ACTA2: variants seen among roughly 807,000 people sequenced by gnomAD.
The protein encoded by ACTA2 is actin alpha 2, smooth muscle.
ACTA2 carries 12 observed loss-of-function variants against 39.5 expected under a neutral mutation model. The ratio of observed to expected loss-of-function variants is 0.30; its 90% confidence interval spans 0.19 to 0.49. ACTA2 has a LOEUF of 0.49. Among genes scored for constraint, ACTA2 ranks in the 20% least tolerant of loss-of-function variants. ACTA2 has a pLI of 0.99. For missense variants in ACTA2, 236 were observed against 498.8 expected (o/e 0.47, Z 5.02); for synonymous variants, 158 against 180.6 (o/e 0.88, Z 1.00).
At chr10:88,976,168 C>T (rs776887039) in intron 1 of ACTA2, among the ~76,000 whole-genome samples, 1 of 152,024 alleles carries the variant, frequency 6.6e-6, no homozygotes, top group Non-Finnish European at 1.5e-5. Flanking sequence ...TTGGGCCACA[C>T]ATAAAATACA....
At chr10:88,950,735 CTG>C (rs1846035255) in intron 1 of ACTA2, among the ~76,000 whole-genome samples, 1 of 152,184 alleles carries the variant, frequency 6.6e-6, no homozygotes, top group African/African-American at 2.4e-5. Context: ...CAGTTAAAAG[CTG>C]TGTGATTTCA....
At chr10:88,954,232 G>A (rs1846096974), upstream of ACTA2, among the ~76,000 whole-genome samples, 2 of 152,088 alleles carry the variant, frequency 1.3e-5, no homozygotes, top group Admixed American at 6.6e-5. Flanking sequence ...GATTAATGGT[G>A]CCCACACATA....
intron 1 of ACTA2, among the ~76,000 whole-genome samples, chr10:88,976,963 C>T (rs1487894130): frequency 1.3e-5 from 2 of 152,172 alleles, no homozygotes; most frequent in African/African-American, 4.8e-5. Flanking sequence ...TGCCCACATT[C>T]CCCAGATTCC....
chr10:88,990,164 G>GC lies in ACTA2; in HGVS notation c.-24+774dup, dbSNP rs1260188723. 6.6e-6 allele frequency among the ~76,000 whole-genome samples: 1 copy of GC among 152,136 alleles called. No homozygotes were observed. The highest frequency in any genetic ancestry group is 6.5e-5 in the Admixed American group (1 of 15,278). On this transcript the variant is annotated intron_variant, in intron 1 of 4. Coordinates refer to the ACTA2 transcript ENST00000415557. This position sits in a 1 kb window ranked among gnomAD's most constrained non-coding sequence, Gnocchi z 4.9. Reference sequence around the variant, plus strand: ...CCCTCCCTTTTCAGAGCCCTATGGCGCAACATCTGTACTTTTTCATATGGT... The same window carrying GC: ...CCCTCCCTTTTCAGAGCCCTATGGCGCCAACATCTGTACTTTTTCATATGGT...
intron 1 of ACTA2, among the ~76,000 whole-genome samples, chr10:88,987,717 T>G (rs1396744453): frequency 6.6e-6 from 1 of 152,228 alleles, no homozygotes; most frequent in Non-Finnish European, 1.5e-5. Flanking sequence ...TCCCTCCACC[T>G]ACACATATAC....
At chr10:88,952,187 GAC>G (rs1846062439) in intron 1 of ACTA2, among the ~76,000 whole-genome samples, 2 of 152,258 alleles carry the variant, frequency 1.3e-5, no homozygotes, top group South Asian at 4.1e-4. Flanking sequence ...TCCAACAAAA[GAC>G]ACTACCAGTT....
At chr10:88,938,940 A>G (rs1395050985) in intron 7 of ACTA2, among the ~76,000 whole-genome samples, 2 of 152,154 alleles carry the variant, frequency 1.3e-5, no homozygotes, top group African/African-American at 2.4e-5. Flanking sequence ...CTCTTTATCT[A>G]TCTCCTGTAA....
chr10:88,957,406 T>C (rs1271468658), upstream of ACTA2, among the ~76,000 whole-genome samples: 1 of 152,210 alleles, frequency 6.6e-6, no homozygotes, highest in Non-Finnish European at 1.5e-5. Flanking sequence ...AAATTAGGTT[T>C]AACTATGAAG....
rs781230663 is a variant in ACTA2 at position 88,948,964 on chromosome 10, C to T, written c.-23-11G>A. 3 of 1,613,014 alleles carry T rather than the reference C, an allele frequency of 1.9e-6. No individual in the cohort carries two copies. Among genetic ancestry groups the T allele is most frequent in the Non-Finnish European group, 1.7e-6 (2 of 1,179,458 alleles). On this transcript the variant is annotated splice_polypyrimidine_tract_variant and intron_variant, in intron 1 of 8. Transcript: ENST00000224784. ...CTGCTTCACAGGATTCTATAGAAAA[C>T]AGGGAGGAAGCAGCCTCAGCTGTAA...
At chr10:88,948,651 G>T in intron 2 of ACTA2, 151 bp downstream of exon 2, 1 of 998,118 alleles carries the variant, frequency 1.0e-6, no homozygotes, top group Non-Finnish European at 1.5e-6. Context: ...TGTGAAATTG[G>T]CATTTACTCC....
chr10:88,989,464 ATT>A (rs1564667903), intron 1 of ACTA2: 1 of 541,994 alleles, frequency 1.8e-6, no homozygotes, highest in Non-Finnish European at 3.7e-6. Flanking sequence ...TTTTGTGTCT[ATT>A]AGATGCTCAG....
intron 1 of ACTA2, among the ~76,000 whole-genome samples, chr10:88,958,452 A>G (rs1489363402): frequency 6.6e-6 from 1 of 152,234 alleles, no homozygotes; most frequent in African/African-American, 2.4e-5. Context: ...GGAGGATCAG[A>G]TAAGCCAAAT....
chr10:88,979,204 C>T (rs766175304), intron 1 of ACTA2, among the ~76,000 whole-genome samples: 8 of 151,224 alleles, frequency 5.3e-5, no homozygotes, highest in Non-Finnish European at 1.2e-4. Flanking sequence ...TGTGTATGAG[C>T]GTAGGGATCT....
At chr10:88,979,429 G>A (rs1031010382) in intron 1 of ACTA2, among the ~76,000 whole-genome samples, 1 of 152,166 alleles carries the variant, frequency 6.6e-6, no homozygotes, top group Non-Finnish European at 1.5e-5. Context: ...CAGGACAGAT[G>A]AGAGTCTGGC....
intron 5 of ACTA2, 80 bp from the exon 6 acceptor site, chr10:88,941,470 G>C (rs933323197): frequency 1.3e-5 from 21 of 1,569,236 alleles, no homozygotes; most frequent in African/African-American, 5.4e-5. Context: ...GGAAGCCTTG[G>C]GGGAGAGGGA....
intron 1 of ACTA2, among the ~76,000 whole-genome samples, chr10:88,967,576 C>T (rs1411204832): frequency 6.6e-6 from 1 of 152,174 alleles, no homozygotes; most frequent in Non-Finnish European, 1.5e-5. Context: ...CAAATTATTA[C>T]CTGCAACGCA....
At chr10:88,966,238 T>C (rs1375204698) in intron 1 of ACTA2, among the ~76,000 whole-genome samples, 1 of 152,196 alleles carries the variant, frequency 6.6e-6, no homozygotes, top group Non-Finnish European at 1.5e-5. Context: ...ATGATCTTCA[T>C]CAATATTATC....
chr10:88,939,270 A>T, intron 7 of ACTA2: 2 of 569,240 alleles, frequency 3.5e-6, no homozygotes, highest in South Asian at 4.0e-5. Flanking sequence ...CTTTCATCAT[A>T]CACCATGAAT....
intron 1 of ACTA2, among the ~76,000 whole-genome samples, chr10:88,986,173 G>C (rs1846875668): frequency 6.6e-6 from 1 of 152,164 alleles, no homozygotes; most frequent in Non-Finnish European, 1.5e-5. Context: ...CTTAAGCTAA[G>C]CCCACTCAGG....
Sources: gnomAD v4.1 joint callset for allele counts (sites outside exome capture counted in the v4.1 genomes callset) on GRCh38, gnomAD v4.1.1 for gene constraint, Gnocchi (gnomAD v3.1) non-coding constraint, MANE v1.5 for transcripts, NCBI Gene and HGNC (gene_info 2026-07-23, HGNC 2026-07-21) for gene names.